Variants in ONECUT3 observed in about 807,000 individuals in gnomAD.
ONECUT3 encodes one cut homeobox 3, also known as one cut domain family member 3.
ONECUT3 carries 11 observed loss-of-function variants against 16.8 expected under a neutral mutation model. The ratio of observed to expected loss-of-function variants is 0.66; its 90% CI spans 0.41 to 1.09. ONECUT3 has a LOEUF of 1.09. Ranked by LOEUF, ONECUT3 falls within the 50% of genes least tolerant of loss-of-function variation. ONECUT3 has a pLI of 0.00. For synonymous variants in ONECUT3, 344 were observed against 310.7 expected (o/e 1.11, Z -1.13); for missense variants, 637 against 629.9 (o/e 1.01, Z -0.12).
intron 1 of ONECUT3, among the ~76,000 whole-genome samples, chr19:1,771,325 C>A (rs1222217545): frequency 6.6e-6 from 1 of 152,092 alleles, no homozygotes; most frequent in East Asian, 1.9e-4. Flanking sequence ...TTTTTATTTA[C>A]CTCCTCGTTT....
At chr19:1,769,549 T>C (rs2068034212) in intron 1 of ONECUT3, among the ~76,000 whole-genome samples, 1 of 150,654 alleles carries the variant, frequency 6.6e-6, no homozygotes, top group Admixed American at 6.6e-5. Context: ...CCATGGCCTC[T>C]GGGTTGGCAC....
rs1457795572 is a variant in ONECUT3 at position 1,758,627 on chromosome 19, C to T, written c.1192+3773C>T. 6.6e-6 allele frequency among the ~76,000 whole-genome samples: 1 copy of T among 152,166 alleles called. No individual in the cohort carries two copies. The highest frequency in any genetic ancestry group is 1.5e-5 in the Non-Finnish European group (1 of 68,038). ...CCCGTCGTCTGGGAGTCCTGCAGCC[C>T]CCAAGCCCATTCCCATGGGGCTGGG... On this transcript the variant is annotated intron_variant, in intron 1 of 1. Transcript: ENST00000382349. The surrounding 1 kb of genome is among the most constrained non-coding windows in gnomAD (Gnocchi z 5.9).
chr19:1,779,394 G>A lies in ONECUT3; in HGVS notation c.*3949G>A, dbSNP rs927301921. ...TAAATGAGTCCTTTAGGAAAGAAAG[G>A]AAGAGAGAGAGAGAGCGAGCGCAAG... On this transcript the variant is annotated 3_prime_UTR_variant, in exon 2 of 2. Coordinates refer to ENST00000382349, the MANE Select transcript of ONECUT3 (RefSeq NM_001080488.2). 5 of 151,794 alleles carry A rather than the reference G, an allele frequency of 3.3e-5. No homozygotes were observed. The East Asian group carries it at 7.7e-4, about 23-fold the overall frequency. The allele number at this position is 151,794 out of a possible 1,614,324, so 9.4% of individuals were successfully genotyped here.
Position 1,777,007 on chromosome 19 carries a change from C to T in ONECUT3, c.*1562C>T, listed in dbSNP as rs886274134. On this transcript the variant is annotated 3_prime_UTR_variant, in exon 2 of 2. Coordinates refer to ENST00000382349, the MANE Select transcript of ONECUT3 (RefSeq NM_001080488.2). ...CCGCCTGCCGAGTGCCACCCCTTCC[C>T]GAACCTGAGAGCGAAAGAGAGAGAG... 3.3e-4 allele frequency: 50 copies of T among 149,572 alleles called. No individual in the cohort carries two copies. The highest frequency in any genetic ancestry group is 6.2e-4 in the Non-Finnish European group (42 of 67,640). The allele number at this position is 149,572 out of a possible 1,614,324, so 9.3% of individuals were successfully genotyped here.
In ONECUT3 at chr19:1,758,841, C is replaced by T. The variant is rs1023387975; in HGVS notation, c.1192+3987C>T. Among the ~76,000 whole-genome samples the T allele has an allele frequency of 3.9e-5, 6 of 152,124 alleles. No homozygotes were observed. Among genetic ancestry groups the T allele is most frequent in the East Asian group, 1.9e-4 (1 of 5,196 alleles). On this transcript the variant is annotated intron_variant, in intron 1 of 1. Coordinates refer to ENST00000382349, the MANE Select transcript of ONECUT3 (RefSeq NM_001080488.2). The surrounding 1 kb of genome is among the most constrained non-coding windows in gnomAD (Gnocchi z 5.9). Reference sequence around the variant, plus strand: ...CGAATTACCGTCTCTAATTCATCACCGTCGCCGGGTCGATAGCTTCGGCCG... The same window carrying T: ...CGAATTACCGTCTCTAATTCATCACTGTCGCCGGGTCGATAGCTTCGGCCG...
rs1014601176 is a variant in ONECUT3 at position 1,758,789 on chromosome 19, G to A, written c.1192+3935G>A. On this transcript the variant is annotated intron_variant, in intron 1 of 1. Transcript: ENST00000382349. This position sits in a 1 kb window ranked among gnomAD's most constrained non-coding sequence, Gnocchi z 5.9. Reference sequence around the variant, plus strand: ...TGGGGGAGGGGCGGGCGGGCTCCTCGGCGGGGGTGGGGGCGGTCGATGAAT... The same window carrying A: ...TGGGGGAGGGGCGGGCGGGCTCCTCAGCGGGGGTGGGGGCGGTCGATGAAT... Among the ~76,000 whole-genome samples the A allele has an allele frequency of 1.3e-5, 2 of 152,092 alleles. No individual in the cohort carries two copies. The highest frequency in any genetic ancestry group is 2.9e-5 in the Non-Finnish European group (2 of 68,012).
At position 1,759,077 on chromosome 19, in the gene ONECUT3, C is replaced by A. The variant is rs1246532468; in HGVS notation, c.1192+4223C>A. On this transcript the variant is annotated intron_variant, in intron 1 of 1. Coordinates refer to ENST00000382349, the MANE Select transcript of ONECUT3 (RefSeq NM_001080488.2). The surrounding 1 kb of genome is among the most constrained non-coding windows in gnomAD (Gnocchi z 4.1). Reference sequence around the variant, plus strand: ...ATGGAGGAAACTGAGGCAGGGAGGACCCCCCACCCCCACCCCAGGTGGATG... The same window carrying A: ...ATGGAGGAAACTGAGGCAGGGAGGAACCCCCACCCCCACCCCAGGTGGATG... 6.6e-6 allele frequency among the ~76,000 whole-genome samples: 1 copy of A among 151,920 alleles called. No individual in the cohort carries two copies. Among genetic ancestry groups the A allele is most frequent in the African/African-American group, 2.4e-5 (1 of 41,352 alleles).
chr19:1,754,292 G>A lies in ONECUT3; in HGVS notation c.630G>A (p.Leu210=). 1 of 1,055,778 alleles carries A rather than the reference G, an allele frequency of 9.5e-7. No individual in the cohort carries two copies. Among genetic ancestry groups the A allele is most frequent in the South Asian group, 4.1e-5 (1 of 24,208 alleles). The allele number at this position is 1,055,778 out of a possible 1,614,324, so 65.4% of individuals were successfully genotyped here. A position where few individuals can be genotyped will look rare whatever the true frequency, so the allele number is the denominator to read the frequency against. ...TGCCCAACGCGCTGCCGCCCGCGCT[G>A]CACGGCGCCCCGCAGCCCCCGCCGC... ...SPLPNALPPA[L]HGAPQPPPPP... is the part of the protein sequence containing the mutation. Residue 210 remains leucine, a synonymous_variant, in exon 1 of 2, where the codon CTG becomes CTA. Coordinates refer to ENST00000382349, the MANE Select transcript of ONECUT3 (RefSeq NM_001080488.2). The surrounding 1 kb of genome is among the most constrained non-coding windows in gnomAD (Gnocchi z 7.4).
chr19:1,756,416 G>A (rs2067916364), intron 1 of ONECUT3, among the ~76,000 whole-genome samples: 1 of 152,210 alleles, frequency 6.6e-6, no homozygotes, highest in African/African-American at 2.4e-5. Context: ...CCCTCCCCAT[G>A]ACACATACAG....
chr19:1,776,600 T>G lies in ONECUT3; in HGVS notation c.*1155T>G. 6.6e-6 allele frequency: 1 copy of G among 150,414 alleles called. No homozygotes were observed. Among genetic ancestry groups the G allele is most frequent in the South Asian group, 2.1e-4 (1 of 4,718 alleles). 9.3% of individuals were successfully genotyped at this position (150,414 alleles called of 1,614,324 possible). A position where few individuals can be genotyped will look rare whatever the true frequency, so the allele number is the denominator to read the frequency against. ...CAAAAATATTTACAAATGGGAAGGG[T>G]CGGAAATGAAGATGAGCGCCCCCCT... is the stretch of plus-strand genomic sequence containing the variant. On this transcript the variant is annotated 3_prime_UTR_variant, in exon 2 of 2. Coordinates refer to ENST00000382349, the MANE Select transcript of ONECUT3 (RefSeq NM_001080488.2). This position sits in a 1 kb window ranked among gnomAD's most constrained non-coding sequence, Gnocchi z 4.9.
chr19:1,772,686 C>CTTTTTTTTT (rs201848533), intron 1 of ONECUT3, among the ~76,000 whole-genome samples: 35 of 64,024 alleles, frequency 5.5e-4, no homozygotes, highest in African/African-American at 6.4e-4. Flanking sequence ...CTGCTTTACT[C>CTTTTTTTTT]TTTTTTTTTT....
At chr19:1,765,877 C>G (rs372536149) in intron 1 of ONECUT3, among the ~76,000 whole-genome samples, 9 of 152,190 alleles carry the variant, frequency 5.9e-5, no homozygotes, top group African/African-American at 2.2e-4. Context: ...GACATGGATG[C>G]GTAACCCACA....
Position 1,754,565 on chromosome 19 carries a change from AGGCGGCGGCCCCGGCGGGAGC to A in ONECUT3, c.916_936del (p.Gly306_Pro312del), listed in dbSNP as rs1383555334. 2.0e-5 allele frequency: 22 copies of A among 1,091,340 alleles called. No homozygotes were observed. In the East Asian group the frequency reaches 4.6e-4, roughly 23 times the overall value. The allele number at this position is 1,091,340 out of a possible 1,614,324, so 67.6% of individuals were successfully genotyped here. A position where few individuals can be genotyped will look rare whatever the true frequency, so the allele number is the denominator to read the frequency against. On this transcript the variant is annotated inframe_deletion, in exon 1 of 2. Coordinates refer to ENST00000382349, the MANE Select transcript of ONECUT3 (RefSeq NM_001080488.2). This position sits in a 1 kb window ranked among gnomAD's most constrained non-coding sequence, Gnocchi z 7.4. The stretch of plus-strand genomic sequence containing the variant: ...CCGGGGCGCACGGGCCGCACGGGGG[AGGCGGCGGCCCCGGCGGGAGC>A]GGCGGCGGCCCCAGCGCGGGCGCAG...
chr19:1,756,113 G>C (rs1213507854), intron 1 of ONECUT3, among the ~76,000 whole-genome samples: 1 of 152,146 alleles, frequency 6.6e-6, no homozygotes, highest in Non-Finnish European at 1.5e-5. Context: ...GTCCAGGCAG[G>C]GGGGCTGGGC....
chr19:1,774,475 G>A (rs2068086259), intron 1 of ONECUT3, among the ~76,000 whole-genome samples: 1 of 151,946 alleles, frequency 6.6e-6, no homozygotes, highest in African/African-American at 2.4e-5. Flanking sequence ...CATTTCTGGG[G>A]AAGGCTGCTG....
At chr19:1,775,067 G>A (rs1226416843) in intron 1 of ONECUT3, 86 bp from the exon 2 acceptor site, 2 of 815,930 alleles carry the variant, frequency 2.5e-6, no homozygotes, top group Non-Finnish European at 3.7e-6. Flanking sequence ...TCATCCTCCG[G>A]GCGGCGTGCG....
intron 1 of ONECUT3, among the ~76,000 whole-genome samples, chr19:1,774,328 C>A (rs1454537751): frequency 6.6e-6 from 1 of 152,016 alleles, no homozygotes; most frequent in African/African-American, 2.4e-5. Flanking sequence ...CACCTGTAAT[C>A]CCAGTGCTTT....
chr19:1,772,910 A>G (rs1289375688), intron 1 of ONECUT3, among the ~76,000 whole-genome samples: 1 of 133,844 alleles, frequency 7.5e-6, no homozygotes, highest in Non-Finnish European at 1.6e-5. Context: ...TCACCGTGTT[A>G]GCCAGGATGG....
At position 1,753,836 on chromosome 19, in the gene ONECUT3, C is replaced by A; in HGVS notation, c.174C>A (p.Gly58=). ...AGMASLLDGG[G]GGGGGGAGGA... ...TGGCGAGCCTGCTGGACGGCGGCGGCGGCGGCGGCGGTGGGGGCGCCGGGG... is the reference window on the plus strand; with the variant it reads ...TGGCGAGCCTGCTGGACGGCGGCGGAGGCGGCGGCGGTGGGGGCGCCGGGG... Residue 58 remains glycine (G), a synonymous_variant, in exon 1 of 2, where the codon GGC becomes GGA. Coordinates refer to ENST00000382349, the MANE Select transcript of ONECUT3 (RefSeq NM_001080488.2). 1 of 968,130 alleles carries A rather than the reference C, an allele frequency of 1.0e-6. No individual in the cohort carries two copies. The highest frequency in any genetic ancestry group is 1.2e-6 in the Non-Finnish European group (1 of 817,910). The allele number at this position is 968,130 out of a possible 1,614,324, so 60.0% of individuals were successfully genotyped here. A position where few individuals can be genotyped will look rare whatever the true frequency, so the allele number is the denominator to read the frequency against.
Sources: gnomAD v4.1 joint callset for allele counts (sites outside exome capture counted in the v4.1 genomes callset) on GRCh38, gnomAD v4.1.1 for gene constraint, Gnocchi (gnomAD v3.1) non-coding constraint, MANE v1.5 for transcripts, NCBI Gene and HGNC (gene_info 2026-07-23, HGNC 2026-07-21) for gene names.